MTF2: variants seen among roughly 807,000 people sequenced by gnomAD.
MTF2 encodes the protein metal-response element-binding transcription factor 2.
Under a neutral mutation model 79.5 loss-of-function variants are expected in MTF2, and 11 were observed. That is an observed-to-expected ratio of 0.14 (90% CI 0.09 to 0.23). MTF2 has a LOEUF of 0.23. Ranked by LOEUF, MTF2 falls within the 10% of genes least tolerant of loss-of-function variation. The probability of loss-of-function intolerance (pLI) is 1.00; values close to 1 mark genes in which losing one functional copy is unlikely to be tolerated. For synonymous variants in MTF2, 208 were observed against 232.8 expected (o/e 0.89, Z 0.97); for missense variants, 486 against 711.2 (o/e 0.68, Z 3.60).
In MTF2 at chr1:93,129,421, A is replaced by G. The variant is rs1205857215; in HGVS notation, c.1133A>G (p.Lys378Arg). Residue 378 changes from lysine (K) to arginine (R), a missense_variant, in exon 11 of 15, where the codon AAG becomes AGG. Lys to Arg is a conservative substitution (Grantham distance 26). Transcript: ENST00000370298. ...TSHEFKIKGRKASKPISDSRE... is the reference protein window; with the variant it reads ...TSHEFKIKGRRASKPISDSRE... ...CATGAATTTAAAATTAAAGGCAGAA[A>G]GGCATCCAAACCTATATCTGATTCA... 1.3e-6 allele frequency: 2 copies of G among 1,565,186 alleles called. No individual in the cohort carries two copies. The highest frequency in any genetic ancestry group is 1.7e-5 in the Admixed American group (1 of 57,682).
intron 6 of MTF2, among the ~76,000 whole-genome samples, chr1:93,117,298 G>A (rs1030485504): frequency 2.0e-5 from 3 of 152,200 alleles, no homozygotes; most frequent in African/African-American, 7.2e-5. Flanking sequence ...AGATACTTGG[G>A]AGGCTGAGGT....
chr1:93,083,292 A>G (rs185736560), intron 1 of MTF2, among the ~76,000 whole-genome samples: 2 of 152,296 alleles, frequency 1.3e-5, no homozygotes, highest in Middle Eastern at 3.4e-3. Context: ...GCCTCCTCCA[A>G]TGTTGGGGGT....
At chr1:93,085,080 G>A (rs1191062159) in intron 1 of MTF2, among the ~76,000 whole-genome samples, 3 of 151,982 alleles carry the variant, frequency 2.0e-5, no homozygotes, top group African/African-American at 7.3e-5. Flanking sequence ...AGATAGAAGG[G>A]TAGTTTGTGA....
intron 9 of MTF2, chr1:93,121,684 GTT>G: frequency 8.4e-6 from 8 of 957,726 alleles, no homozygotes; most frequent in Non-Finnish European, 9.9e-6. Flanking sequence ...CATCATTTGA[GTT>G]TTGAATGTTA....
chr1:93,091,489 C>T (rs1203253605), intron 1 of MTF2, among the ~76,000 whole-genome samples: 1 of 152,202 alleles, frequency 6.6e-6, no homozygotes, highest in African/African-American at 2.4e-5. Context: ...AGCCACTGTG[C>T]TTAGCCCCTC....
At chr1:93,113,036 C>T (rs974984381) in intron 3 of MTF2, among the ~76,000 whole-genome samples, 6 of 152,024 alleles carry the variant, frequency 3.9e-5, no homozygotes, top group Non-Finnish European at 8.8e-5. Flanking sequence ...CTCTCATGAT[C>T]GGAACCATAA....
chr1:93,119,575 G>C, intron 8 of MTF2, 174 bp downstream of exon 8: 1 of 544,870 alleles, frequency 1.8e-6, no homozygotes, highest in Admixed American at 3.7e-5. Context: ...ACATCCACTT[G>C]TATTGCTAAA....
rs1571260099 is a variant in MTF2, at chr1:93,137,782, G to T, written c.*755G>T. The stretch of plus-strand genomic sequence containing the variant: ...AGGCTTTTATTGGGTGCTGTTGCTT[G>T]CTATGTATGAAGAGAAATGTGTCAG... On this transcript the variant is annotated 3_prime_UTR_variant, in exon 15 of 15. Transcript: ENST00000370298. 6.6e-6 allele frequency: 1 copy of T among 152,280 alleles called. No individual in the cohort carries two copies. Among genetic ancestry groups the T allele is most frequent in the African/African-American group, 2.4e-5 (1 of 41,552 alleles). 9.4% of individuals were successfully genotyped at this position (152,280 alleles called of 1,614,324 possible).
At chr1:93,121,544 T>A in intron 9 of MTF2, 1 of 984,054 alleles carries the variant, frequency 1.0e-6, no homozygotes, top group Non-Finnish European at 1.2e-6. Flanking sequence ...ACATCCTATT[T>A]CATATCAAAT....
In MTF2 at chr1:93,134,725, A is replaced by C. The variant is rs559440829; in HGVS notation, c.1424+530A>C. 9.9e-5 allele frequency among the ~76,000 whole-genome samples: 15 copies of C among 151,508 alleles called. No homozygotes were observed. The East Asian group carries it at 2.3e-3, about 24-fold the overall frequency. On this transcript the variant is annotated intron_variant, in intron 14 of 14. Transcript: ENST00000370298. ...ATTTTTTGTAGAGATGGTTTTGCTAATTTGCCCAGGCTGGTCTTGAACTCC... is the reference window on the plus strand; with the variant it reads ...ATTTTTTGTAGAGATGGTTTTGCTACTTTGCCCAGGCTGGTCTTGAACTCC...
Position 93,137,293 on chromosome 1 carries a change from G to T in MTF2, c.*266G>T, listed in dbSNP as rs1410665298. 2 of 288,506 alleles carry T rather than the reference G, an allele frequency of 6.9e-6. No homozygotes were observed. Among genetic ancestry groups the T allele is most frequent in the Non-Finnish European group, 1.3e-5 (2 of 154,298 alleles). The allele number at this position is 288,506 out of a possible 1,614,324, so 17.9% of individuals were successfully genotyped here. A position where few individuals can be genotyped will look rare whatever the true frequency, so the allele number is the denominator to read the frequency against. On this transcript the variant is annotated 3_prime_UTR_variant, in exon 15 of 15. Coordinates refer to ENST00000370298, the MANE Select transcript of MTF2 (RefSeq NM_007358.4). ...GTTTCTAGGATAGGATATTAAAAAT[G>T]ATTGAAACCCATGCATGGTGTTAGA...
chr1:93,109,057 C>G (rs1267611784), intron 1 of MTF2, among the ~76,000 whole-genome samples: 1 of 152,056 alleles, frequency 6.6e-6, no homozygotes, highest in African/African-American at 2.4e-5. Flanking sequence ...CTTTTTGAAA[C>G]TTTTTTCTTT....
Position 93,133,735 on chromosome 1 carries a change from A to G in MTF2, c.1193A>G (p.Lys398Arg). 6.2e-7 allele frequency: 1 copy of G among 1,612,008 alleles called. No individual in the cohort carries two copies. Among genetic ancestry groups the G allele is most frequent in the Non-Finnish European group, 8.5e-7 (1 of 1,179,356 alleles). ...EVSNGIEKKG[K>R]KKSVGRPPGP... ...AGCAATGGCATAGAAAAAAAAGGAA[A>G]GAAAAAATCTGTAGGTCGTCCACCT... The change falls in exon 12 of 15, where the codon AAG (lysine) becomes AGG (arginine). Residue 398 changes from lysine (K) to arginine (R), a missense_variant. Lys to Arg is a conservative substitution (Grantham distance 26). Coordinates refer to ENST00000370298, the MANE Select transcript of MTF2 (RefSeq NM_007358.4).
intron 9 of MTF2, among the ~76,000 whole-genome samples, chr1:93,123,891 A>G (rs1231996862): frequency 6.6e-6 from 1 of 150,566 alleles, no homozygotes; most frequent in African/African-American, 2.4e-5. Flanking sequence ...CATTATCAAC[A>G]TCCCTCCACC....
At position 93,133,967 on chromosome 1, in the gene MTF2, C is replaced by G. The variant is rs756589883; in HGVS notation, c.1306C>G (p.Pro436Ala). Residue 436 changes from proline (P) to alanine (A), a missense_variant, in exon 13 of 15, where the codon CCT becomes GCT. Physicochemically the swap from Pro to Ala is conservative, Grantham distance 27. Around this residue, in one of 4 missense-constraint regions of MTF2, gnomAD observed 209 missense variants for 206.5 expected, o/e 1.01. Coordinates refer to ENST00000370298, the MANE Select transcript of MTF2 (RefSeq NM_007358.4). ...TTCAGAGAATCCTACTTTGGATTTA[C>G]CTTGTTCTATAGGGTAAATAGAAAG... The part of the protein sequence containing the change: ...SISENPTLDL[P>A]CSIGRTEGTA... 4.4e-6 allele frequency: 7 copies of G among 1,579,768 alleles called. No homozygotes were observed.
At chr1:93,093,658 T>C (rs1309295412) in intron 1 of MTF2, among the ~76,000 whole-genome samples, 2 of 152,200 alleles carry the variant, frequency 1.3e-5, no homozygotes, top group African/African-American at 4.8e-5. Flanking sequence ...ATACTTTATA[T>C]GGCTGAAAAT....
At chr1:93,112,900 C>T (rs1323612661) in intron 3 of MTF2, among the ~76,000 whole-genome samples, 1 of 152,186 alleles carries the variant, frequency 6.6e-6, no homozygotes, top group Non-Finnish European at 1.5e-5. Context: ...GAGGAATTGC[C>T]TTCCCCATCA....
At chr1:93,096,676 A>G (rs1387263639) in intron 1 of MTF2, among the ~76,000 whole-genome samples, 1 of 150,164 alleles carries the variant, frequency 6.7e-6, no homozygotes, top group Non-Finnish European at 1.5e-5. Context: ...CTCTCCAACT[A>G]CTGCTTTAGC....
chr1:93,088,068 T>C (rs377487264), intron 1 of MTF2, among the ~76,000 whole-genome samples: 6 of 152,270 alleles, frequency 3.9e-5, no homozygotes, highest in East Asian at 1.9e-4. Flanking sequence ...TTTAAAACTC[T>C]AGGGTATAGT....
Sources: allele counts gnomAD v4.1 joint callset (sites outside exome capture counted in the v4.1 genomes callset), GRCh38; gene constraint gnomAD v4.1.1; regional missense constraint gnomAD v4.1.1; transcripts MANE v1.5; gene names NCBI Gene and HGNC (gene_info 2026-07-23, HGNC 2026-07-21).